CMSS1: variants seen among roughly 807,000 people sequenced by gnomAD.
CMSS1 encodes protein CMSS1.
In CMSS1, 33 loss-of-function variants were observed where a neutral mutation model predicts 43.5. The observed-to-expected ratio is 0.76, with a 90% CI of 0.57 to 1.01. CMSS1 has a LOEUF of 1.01. Among genes scored for constraint, CMSS1 ranks in the 50% least tolerant of loss-of-function variants. The probability of loss-of-function intolerance (pLI) is 0.00; values close to 1 mark genes in which losing one functional copy is unlikely to be tolerated. For missense variants in CMSS1, 313 were observed against 326.4 expected, an observed-to-expected ratio of 0.96 and a Z score of 0.32; for synonymous variants, 115 against 117.2, an observed-to-expected ratio of 0.98 and a Z score of 0.12.
At chr3:100,176,090 A>C (rs1381611616) in intron 8 of CMSS1, 5 of 376,982 alleles carry the variant, frequency 1.3e-5, no homozygotes, top group Non-Finnish European at 2.4e-5. Context: ...TGAGGAGCTT[A>C]GCAAGAGCAG....
intron 1 of CMSS1, among the ~76,000 whole-genome samples, chr3:99,868,684 C>T (rs1199104903): frequency 6.6e-6 from 1 of 152,126 alleles, no homozygotes; most frequent in Admixed American, 6.6e-5. Context: ...CCTTATTTGT[C>T]TTTTAACCTC....
Position 99,931,025 on chromosome 3 carries a change from T to C in CMSS1, c.64+112982T>C, listed in dbSNP as rs759741109. On this transcript the variant is annotated intron_variant, in intron 1 of 9. Transcript: ENST00000421999. ...ATCACTGCCTCTGGAACGCATTCTT[T>C]AAAGCCTGGAAGGAGGGAAGAAAAT... is the stretch of plus-strand genomic sequence containing the variant. The C allele has an allele frequency of 3.1e-5, 50 of 1,612,298 alleles. No homozygotes were observed. The African/African-American group carries it at 5.2e-4, about 17-fold the overall frequency.
At chr3:99,868,453 T>A (rs1378779740) in intron 1 of CMSS1, among the ~76,000 whole-genome samples, 1 of 152,186 alleles carries the variant, frequency 6.6e-6, no homozygotes, top group African/African-American at 2.4e-5. Context: ...CACCAGATGA[T>A]GAAGGAGCAT....
rs117646213 is a variant in CMSS1, at chr3:100,165,139, A to G, written c.356-1196A>G. ...TATGCAAAAGAGACTTCATCCCAGA[A>G]ATCTGTATCTTCAGTTCTCCAGGTG... On this transcript the variant is annotated intron_variant, in intron 4 of 9. Coordinates refer to ENST00000421999, the MANE Select transcript of CMSS1 (RefSeq NM_032359.4). Among the ~76,000 whole-genome samples, 51 of 152,226 alleles carry G rather than the reference A, an allele frequency of 3.4e-4. No homozygotes were observed. The East Asian group carries it at 9.8e-3, about 29-fold the overall frequency.
intron 1 of CMSS1, among the ~76,000 whole-genome samples, chr3:100,050,290 T>C: frequency 6.6e-6 from 1 of 152,220 alleles, no homozygotes; most frequent in East Asian, 1.9e-4. Context: ...AAATGTGCCC[T>C]CTAATGAGTC....
At chr3:100,011,874 G>A (rs1007668976) in intron 1 of CMSS1, 1 of 152,144 alleles carries the variant, frequency 6.6e-6, no homozygotes, top group Non-Finnish European at 1.5e-5. Context: ...TAAAATTCAA[G>A]TTTTAGTATT....
chr3:99,997,272 G>A (rs1369674899), intron 1 of CMSS1, among the ~76,000 whole-genome samples: 2 of 152,096 alleles, frequency 1.3e-5, no homozygotes, highest in Non-Finnish European at 2.9e-5. Context: ...ATAAAAGGAG[G>A]CATTTTTTAC....
intron 1 of CMSS1, among the ~76,000 whole-genome samples, chr3:100,016,870 A>G (rs1282374650): frequency 1.3e-5 from 2 of 152,244 alleles, no homozygotes; most frequent in Non-Finnish European, 2.9e-5. Flanking sequence ...TATGTTATCT[A>G]ATGGCAAAGT....
In CMSS1 at chr3:100,049,521, A is replaced by G. The variant is rs572027091; in HGVS notation, c.65-97452A>G. Among the ~76,000 whole-genome samples, 3 of 152,324 alleles carry G rather than the reference A, an allele frequency of 2.0e-5. No individual in the cohort carries two copies. The South Asian group carries it at 6.2e-4, about 32-fold the overall frequency. On this transcript the variant is annotated intron_variant, in intron 1 of 9. Coordinates refer to ENST00000421999, the MANE Select transcript of CMSS1 (RefSeq NM_032359.4). ...CTTCCAAAACATATGCAGTACAGAA[A>G]ATTAAAATAATTCATTGAGGGAATA...
In CMSS1 at chr3:99,956,969, A is replaced by C. The variant is rs376965343; in HGVS notation, c.64+138926A>C. 2.6e-5 allele frequency among the ~76,000 whole-genome samples: 4 copies of C among 152,300 alleles called. No individual in the cohort carries two copies. In the East Asian group the frequency reaches 5.8e-4, roughly 22 times the overall value. ...AACCTCTTCTTAAAGAGGTCTTCCT[A>C]CCTATTTCTGTCCAGGGCTCTAGCT... On this transcript the variant is annotated intron_variant, in intron 1 of 9. Transcript: ENST00000421999.
At chr3:99,950,463 C>T (rs1708142539) in intron 1 of CMSS1, among the ~76,000 whole-genome samples, 1 of 152,152 alleles carries the variant, frequency 6.6e-6, no homozygotes. Context: ...ATGCACATGT[C>T]CTATTCCTGA....
At chr3:100,075,090 TG>T (rs2065829142) in intron 1 of CMSS1, among the ~76,000 whole-genome samples, 2 of 152,354 alleles carry the variant, frequency 1.3e-5, no homozygotes, top group Non-Finnish European at 2.9e-5. Context: ...TATTGGTCTA[TG>T]TTAGTTCCCT....
At chr3:100,140,497 A>G (rs1489965406) in intron 1 of CMSS1, among the ~76,000 whole-genome samples, 1 of 151,744 alleles carries the variant, frequency 6.6e-6, no homozygotes. Flanking sequence ...GTTGAAATTC[A>G]TCCATGTTAT....
intron 2 of CMSS1, among the ~76,000 whole-genome samples, chr3:100,152,753 A>T (rs112246265): frequency 6.6e-6 from 1 of 152,316 alleles, no homozygotes; most frequent in East Asian, 1.9e-4. Flanking sequence ...CAATAGACAC[A>T]TTTTCCATAT....
At chr3:100,004,913 A>G (rs1259010928) in intron 1 of CMSS1, among the ~76,000 whole-genome samples, 1 of 152,186 alleles carries the variant, frequency 6.6e-6, no homozygotes, top group Non-Finnish European at 1.5e-5. Context: ...AGATTCTCAT[A>G]GCCTCATACC....
intron 1 of CMSS1, among the ~76,000 whole-genome samples, chr3:99,829,734 T>A (rs570520326): frequency 4.3e-4 from 66 of 152,330 alleles, no homozygotes; most frequent in African/African-American, 1.5e-3. Context: ...GCACCTGGAA[T>A]ATTGATTCAT....
At chr3:100,014,469 A>AAG (rs1710260132) in intron 1 of CMSS1, among the ~76,000 whole-genome samples, 1 of 152,128 alleles carries the variant, frequency 6.6e-6, no homozygotes, top group Non-Finnish European at 1.5e-5. Flanking sequence ...AACAGTGTAT[A>AAG]AGAGTTCCCT....
At chr3:100,116,115 G>T (rs1485159263) in intron 1 of CMSS1, among the ~76,000 whole-genome samples, 1 of 152,176 alleles carries the variant, frequency 6.6e-6, no homozygotes, top group East Asian at 1.9e-4. Flanking sequence ...CACATAAACG[G>T]AGTTAGTCTT....
Position 99,848,580 on chromosome 3 carries a change from G to A in CMSS1, c.64+30537G>A, listed in dbSNP as rs549292963. The A allele has an allele frequency of 3.0e-4, 479 of 1,614,190 alleles. 8 individuals carry two copies. In the South Asian group the frequency reaches 4.4e-3, roughly 15 times the overall value. On this transcript the variant is annotated intron_variant, in intron 1 of 9. Transcript: ENST00000421999. The stretch of plus-strand genomic sequence containing the variant: ...ATGACTGCCGGTCTGGGGAGACTCT[G>A]AATATCGCATGCTTGGCACTGATTT...
Sources: gnomAD v4.1 joint callset for allele counts (sites outside exome capture counted in the v4.1 genomes callset) on GRCh38, gnomAD v4.1.1 for gene constraint, MANE v1.5 for transcripts, NCBI Gene and HGNC (gene_info 2026-07-23, HGNC 2026-07-21) for gene names.